Variants in CARMIL3 observed in about 807,000 individuals in gnomAD.
The protein encoded by CARMIL3 is capping protein regulator and myosin 1 linker 3.
Under a neutral mutation model 180.8 loss-of-function variants are expected in CARMIL3, and 88 were observed. The observed-to-expected ratio is 0.49, with a 90% confidence interval of 0.41 to 0.58. The LOEUF is 0.58. CARMIL3 is among the 20% of genes least tolerant of loss of function. The pLI is 0.00. For missense variants in CARMIL3, 1,548 were observed against 1,787.0 expected (o/e 0.87, Z 2.41); for synonymous variants, 696 against 714.5 (o/e 0.97, Z 0.41).
chr14:24,063,124 C>A lies in CARMIL3; in HGVS notation c.2711C>A (p.Thr904Asn), dbSNP rs201164194. 4 of 1,613,328 alleles carry A rather than the reference C, an allele frequency of 2.5e-6. No homozygotes were observed. The South Asian group carries it at 4.4e-5, about 18-fold the overall frequency. ...TDDELGTNIDTMAIKKQKRCR... is the reference protein window; with the variant it reads ...TDDELGTNIDNMAIKKQKRCR... Reference sequence around the variant, plus strand: ...CACTCGTCTTCATTTCTGCAGGACACCATGGCCATCAAAAAGCAGAAACGC... The same window carrying A: ...CACTCGTCTTCATTTCTGCAGGACAACATGGCCATCAAAAAGCAGAAACGC... Residue 904 changes from threonine to asparagine, a missense_variant, in exon 30 of 40, where the codon ACC (threonine) becomes AAC (asparagine). Thr to Asn is a moderately conservative substitution (Grantham distance 65, BLOSUM62 0). Coordinates refer to ENST00000342740, the MANE Select transcript of CARMIL3 (RefSeq NM_138360.4).
Position 24,061,789 on chromosome 14 carries a change from A to G in CARMIL3, c.2480+117A>G. 9.4e-6 allele frequency: 11 copies of G among 1,172,578 alleles called. No homozygotes were observed. The South Asian group carries it at 1.7e-4, about 18-fold the overall frequency. The allele number at this position is 1,172,578 out of a possible 1,614,324, so 72.6% of individuals were successfully genotyped here. ...GAATGGCACAATCTCCATTACAAGG[A>G]TCAATCTTTAACCAAGTGCAACCTT... On this transcript the variant is annotated intron_variant, in intron 27 of 39. Coordinates refer to ENST00000342740, the MANE Select transcript of CARMIL3 (RefSeq NM_138360.4). This position sits in a 1 kb window ranked among gnomAD's most constrained non-coding sequence, Gnocchi z 4.1.
chr14:24,057,320 T>A (rs2138721516), intron 14 of CARMIL3, 76 bp downstream of exon 14: 4 of 1,346,878 alleles, frequency 3.0e-6, no homozygotes, highest in Non-Finnish European at 4.2e-6. Context: ...TCACCCCCTA[T>A]CCCTGAGTAC....
At chr14:24,055,877 A>T in intron 10 of CARMIL3, 88 bp downstream of exon 10, 14 of 1,219,610 alleles carry the variant, frequency 1.1e-5, no homozygotes, top group Non-Finnish European at 1.7e-5. Context: ...AGGCCTCTGG[A>T]CTATCTTATC....
At chr14:24,060,599 C>A in intron 24 of CARMIL3, 29 bp from the exon 25 acceptor site, 1 of 1,609,796 alleles carries the variant, frequency 6.2e-7, no homozygotes, top group South Asian at 1.1e-5. Flanking sequence ...AGCAGGGGTC[C>A]CCTTGACACC....
chr14:24,057,863 A>G lies in CARMIL3; in HGVS notation c.1201A>G (p.Asn401Asp). Residue 401 changes from asparagine (N) to aspartate (D), a missense_variant, in exon 15 of 40, where the codon AAC (asparagine) becomes GAC (aspartate). Around this residue, in one of 4 missense-constraint regions of CARMIL3, gnomAD observed 578 missense variants for 666.5 expected, o/e 0.87. Coordinates refer to ENST00000342740, the MANE Select transcript of CARMIL3 (RefSeq NM_138360.4). ...CCTCACCTACCTCAACCTGGCTCGCAACAGCTGCTCCCACAGGTGGGAGAG... is the reference window on the plus strand; with the variant it reads ...CCTCACCTACCTCAACCTGGCTCGCGACAGCTGCTCCCACAGGTGGGAGAG... The part of the protein sequence containing the change: ...SHLTYLNLAR[N>D]SCSHRKGREA... 6.2e-7 allele frequency: 1 copy of G among 1,612,350 alleles called. No homozygotes were observed. Among genetic ancestry groups the G allele is most frequent in the Non-Finnish European group, 8.5e-7 (1 of 1,179,816 alleles).
chr14:24,068,955 C>T lies in CARMIL3; in HGVS notation c.3971C>T (p.Pro1324Leu), dbSNP rs1265267084. ...AGCTCACAGCAAGACCAAGAGGAGC[C>T]CGAAGTCCAAGGTCTGCCACCCTGG... ...RLSSQQDQEE[P>L]EVQGPPDPGR... The change falls in exon 38 of 40, where the codon CCC (proline) becomes CTC (leucine). Residue 1324 changes from proline (P) to leucine (L), a missense_variant. This residue lies in a region of CARMIL3 where 668 missense variants were observed against 687.8 expected (regional missense o/e 0.97). Coordinates refer to ENST00000342740, the MANE Select transcript of CARMIL3 (RefSeq NM_138360.4). 1 of 1,561,238 alleles carries T rather than the reference C, an allele frequency of 6.4e-7. No homozygotes were observed. Among genetic ancestry groups the T allele is most frequent in the South Asian group, 1.2e-5 (1 of 85,850 alleles).
chr14:24,053,860 G>A, intron 2 of CARMIL3, 57 bp downstream of exon 2: 1 of 1,476,872 alleles, frequency 6.8e-7, no homozygotes, highest in Non-Finnish European at 9.3e-7. Flanking sequence ...CAGCTGGCCA[G>A]TAGAGGGCAG....
In CARMIL3 at chr14:24,058,366, C is replaced by A; in HGVS notation, c.1392+142C>A. 1 of 859,542 alleles carries A rather than the reference C, an allele frequency of 1.2e-6. No homozygotes were observed. The allele number at this position is 859,542 out of a possible 1,614,324, so 53.2% of individuals were successfully genotyped here. A position where few individuals can be genotyped will look rare whatever the true frequency, so the allele number is the denominator to read the frequency against. On this transcript the variant is annotated intron_variant, in intron 17 of 39. Coordinates refer to ENST00000342740, the MANE Select transcript of CARMIL3 (RefSeq NM_138360.4). The surrounding 1 kb of genome is among the most constrained non-coding windows in gnomAD (Gnocchi z 6.4). ...TGGCCACACCACCACTTTCCCCTCT[C>A]AGTCTGGCCTCTTTTCCAGAGGCCA...
rs2035742908 is a variant in CARMIL3 at position 24,062,583 on chromosome 14, C to T, written c.2568+16C>T. 6.2e-7 allele frequency: 1 copy of T among 1,613,472 alleles called. No individual in the cohort carries two copies. The highest frequency in any genetic ancestry group is 1.7e-5 in the Admixed American group (1 of 60,030). ...CAAGAGCCTGGTAAGGCTTCTTCTG[C>T]AGCCTGGCCTGGCTCGGGCACGCCC... On this transcript the variant is annotated intron_variant, in intron 28 of 39. Transcript: ENST00000342740.
Position 24,069,157 on chromosome 14 carries a change from C to T in CARMIL3, c.4003C>T (p.Arg1335Trp), listed in dbSNP as rs768605232. 42 of 1,613,970 alleles carry T rather than the reference C, an allele frequency of 2.6e-5. No homozygotes were observed. The highest frequency in any genetic ancestry group is 1.8e-4 in the South Asian group (16 of 91,090). The change falls in exon 39 of 40, where the codon CGG becomes TGG. Residue 1335 changes from arginine to tryptophan, a missense_variant. This residue lies in a region of CARMIL3 where 668 missense variants were observed against 687.8 expected (regional missense o/e 0.97). Transcript: ENST00000342740. ...EVQGPPDPGR[R>W]TAPLKPKRTR... ...TTCAGGGCCCCCTGATCCAGGCCGGCGGACTGCCCCCCTGAAGCCCAAGAG... is the reference window on the plus strand; with the variant it reads ...TTCAGGGCCCCCTGATCCAGGCCGGTGGACTGCCCCCCTGAAGCCCAAGAG...
At chr14:24,065,586 C>G (rs984367180) in intron 33 of CARMIL3, 36 bp from the exon 34 acceptor site, 2 of 1,576,262 alleles carry the variant, frequency 1.3e-6, no homozygotes, top group African/African-American at 1.4e-5. Flanking sequence ...CCCCCTTCGA[C>G]TGGGAACTGC....
At chr14:24,052,245 C>G (rs549435281) in intron 1 of CARMIL3, 52 bp downstream of exon 1, 1 of 1,520,816 alleles carries the variant, frequency 6.6e-7, no homozygotes, top group Non-Finnish European at 8.8e-7. Flanking sequence ...CATCCCAGAC[C>G]CAGCGCGTTC....
chr14:24,057,109 G>A, intron 13 of CARMIL3, 58 bp from the exon 14 acceptor site: 2 of 1,595,548 alleles, frequency 1.3e-6, no homozygotes, highest in East Asian at 2.3e-5. Context: ...CATGGCCTCT[G>A]GGGGTGGCGA....
In CARMIL3 at chr14:24,057,041, G is replaced by C. The variant is rs2035678992; in HGVS notation, c.1062+17G>C. On this transcript the variant is annotated intron_variant, in intron 13 of 39. Transcript: ENST00000342740. ...GAGGCCAATGTGAGTCCTCAGAACA[G>C]CCTCAGCCCCCTGCAGAAAGCATGC... 1 of 1,609,760 alleles carries C rather than the reference G, an allele frequency of 6.2e-7. No homozygotes were observed. The highest frequency in any genetic ancestry group is 8.5e-7 in the Non-Finnish European group (1 of 1,177,440).
At position 24,058,218 on chromosome 14, in the gene CARMIL3, C is replaced by T; in HGVS notation, c.1386C>T (p.Ser462=). Reference sequence around the variant, plus strand: ...GTGACCTGCACCTGGATCTCAGCAGCTGCGAGGTGAGCCCTCAGTCCCCAA... The same window carrying T: ...GTGACCTGCACCTGGATCTCAGCAGTTGCGAGGTGAGCCCTCAGTCCCCAA... The part of the protein sequence containing the change: ...HLSDLHLDLS[S]CELRSAGAQA... Residue 462 remains serine, a synonymous_variant, in exon 17 of 40, where the codon AGC becomes AGT. Coordinates refer to ENST00000342740, the MANE Select transcript of CARMIL3 (RefSeq NM_138360.4). The surrounding 1 kb of genome is among the most constrained non-coding windows in gnomAD (Gnocchi z 6.4). The T allele has an allele frequency of 6.2e-7, 1 of 1,613,502 alleles. No homozygotes were observed.
Position 24,064,232 on chromosome 14 carries a change from T to C in CARMIL3, c.2980-14T>C. 2 of 1,602,976 alleles carry C rather than the reference T, an allele frequency of 1.2e-6. No individual in the cohort carries two copies. Among genetic ancestry groups the C allele is most frequent in the Non-Finnish European group, 1.7e-6 (2 of 1,173,322 alleles). On this transcript the variant is annotated splice_polypyrimidine_tract_variant and intron_variant, in intron 31 of 39. Coordinates refer to ENST00000342740, the MANE Select transcript of CARMIL3 (RefSeq NM_138360.4). ...ACCTAGATGAGATGTCCCACGGGAC[T>C]TTCCTCCCAGCAGATGCCAGCACCT...
chr14:24,058,318 T>C lies in CARMIL3; in HGVS notation c.1392+94T>C, dbSNP rs989646674. The C allele has an allele frequency of 2.1e-6, 3 of 1,401,912 alleles. No individual in the cohort carries two copies. The highest frequency in any genetic ancestry group is 2.9e-6 in the Non-Finnish European group (3 of 1,023,136). The allele number at this position is 1,401,912 out of a possible 1,614,324, so 86.8% of individuals were successfully genotyped here. A position where few individuals can be genotyped will look rare whatever the true frequency, so the allele number is the denominator to read the frequency against. On this transcript the variant is annotated intron_variant, in intron 17 of 39. Transcript: ENST00000342740. This position sits in a 1 kb window ranked among gnomAD's most constrained non-coding sequence, Gnocchi z 6.4. Reference sequence around the variant, plus strand: ...CCCTGGCTCCATCTAGCCTCTGTGCTGACCCTCTGCGACCCCCTGACCTGG... The same window carrying C: ...CCCTGGCTCCATCTAGCCTCTGTGCCGACCCTCTGCGACCCCCTGACCTGG...
rs1167529280 is a variant in CARMIL3, at chr14:24,069,163, GC to G, written c.4015del (p.Leu1339Ter). The G allele has an allele frequency of 6.2e-7, 1 of 1,613,950 alleles. No homozygotes were observed. Among genetic ancestry groups the G allele is most frequent in the Admixed American group, 1.7e-5 (1 of 59,994 alleles). On this transcript the variant is annotated frameshift_variant, in exon 39 of 40. Coordinates refer to ENST00000342740, the MANE Select transcript of CARMIL3 (RefSeq NM_138360.4). LOFTEE classifies it high-confidence loss of function. ...GCCCCCTGATCCAGGCCGGCGGACTGCCCCCCTGAAGCCCAAGAGGACACGG... is the reference window on the plus strand; with the variant it reads ...GCCCCCTGATCCAGGCCGGCGGACTGCCCCCTGAAGCCCAAGAGGACACGG... ...QGPPDPGRRT[A>X]PLKPKRTRRA...
In CARMIL3 at chr14:24,063,358, G is replaced by A; in HGVS notation, c.2804G>A (p.Gly935Glu). Residue 935 changes from glycine to glutamate, a missense_variant, in exon 31 of 40, where the codon GGG (glycine) becomes GAG (glutamate). Physicochemically the swap from Gly to Glu is moderately conservative, Grantham distance 98. Coordinates refer to ENST00000342740, the MANE Select transcript of CARMIL3 (RefSeq NM_138360.4). ...CCTCAGGACATGGAAAGCCAACTGG[G>A]GAATCTGGGGATCCCCCCTGGCTGG... ...GSPQDMESQLGNLGIPPGWFS... is the reference protein window; with the variant it reads ...GSPQDMESQLENLGIPPGWFS... 1 of 1,607,612 alleles carries A rather than the reference G, an allele frequency of 6.2e-7. No homozygotes were observed. Among genetic ancestry groups the A allele is most frequent in the Non-Finnish European group, 8.5e-7 (1 of 1,175,814 alleles).
Sources: gnomAD v4.1 joint callset for allele counts on GRCh38, gnomAD v4.1.1 for gene constraint, gnomAD v4.1.1 regional missense constraint, Gnocchi (gnomAD v3.1) non-coding constraint, MANE v1.5 for transcripts, NCBI Gene and HGNC (gene_info 2026-07-23, HGNC 2026-07-21) for gene names.